Variants in SPATA16 observed in about 807,000 individuals in gnomAD.
The protein encoded by SPATA16 is spermatogenesis associated 16.
SPATA16 carries 36 observed loss-of-function variants against 63.3 expected under a neutral mutation model. The observed-to-expected ratio is 0.57, with a 90% CI of 0.44 to 0.75. The LOEUF is 0.75. Among genes scored for constraint, SPATA16 ranks in the 30% least tolerant of loss-of-function variants. The probability of loss-of-function intolerance (pLI) is 0.00; values close to 1 mark genes in which losing one functional copy is unlikely to be tolerated. For missense variants in SPATA16, 646 were observed against 679.3 expected (o/e 0.95, Z 0.54); for synonymous variants, 203 against 216.7 (o/e 0.94, Z 0.56).
At chr3:173,011,450 A>G (rs929086638) in intron 4 of SPATA16, among the ~76,000 whole-genome samples, 3 of 152,336 alleles carry the variant, frequency 2.0e-5, no homozygotes, top group Admixed American at 2.0e-4. Context: ...CCTGGAGTCA[A>G]CATCATACTT....
chr3:173,018,355 A>G (rs1045144877), intron 4 of SPATA16, among the ~76,000 whole-genome samples: 2 of 150,502 alleles, frequency 1.3e-5, no homozygotes, highest in Non-Finnish European at 3.0e-5. Context: ...GCTCACCACA[A>G]CCTCTACCTC....
Position 172,977,069 on chromosome 3 carries a change from A to AT in SPATA16, c.849-18dup. On this transcript the variant is annotated splice_polypyrimidine_tract_variant and intron_variant, in intron 4 of 10. Coordinates refer to ENST00000351008, the MANE Select transcript of SPATA16 (RefSeq NM_031955.6). ...ATGGCACTCCTAAGAACAAGGACAGATTAAAAAAAAAACAAAAACAAATGT... is the reference window on the plus strand; with the variant it reads ...ATGGCACTCCTAAGAACAAGGACAGATTTAAAAAAAAAACAAAAACAAATGT... 3 of 1,599,924 alleles carry AT rather than the reference A, an allele frequency of 1.9e-6. No individual in the cohort carries two copies. The South Asian group carries it at 3.3e-5, about 18-fold the overall frequency.
intron 2 of SPATA16, among the ~76,000 whole-genome samples, chr3:173,113,202 A>G (rs1287459906): frequency 6.6e-6 from 1 of 152,206 alleles, no homozygotes; most frequent in African/African-American, 2.4e-5. Context: ...GTAGTGGGGA[A>G]ATTGGTATAG....
At chr3:172,997,030 C>T (rs1468206389) in intron 4 of SPATA16, among the ~76,000 whole-genome samples, 3 of 152,104 alleles carry the variant, frequency 2.0e-5, no homozygotes, top group Non-Finnish European at 2.9e-5. Context: ...CATCTATTCA[C>T]CTACTGAAGA....
chr3:173,112,770 C>G (rs1004881640), intron 2 of SPATA16, among the ~76,000 whole-genome samples: 5 of 152,260 alleles, frequency 3.3e-5, no homozygotes, highest in Middle Eastern at 3.4e-3. Flanking sequence ...ATGATGAAAT[C>G]AGAGGAATTG....
chr3:172,902,399 T>G (rs749040693), intron 10 of SPATA16, among the ~76,000 whole-genome samples: 6 of 152,192 alleles, frequency 3.9e-5, no homozygotes, highest in Non-Finnish European at 5.9e-5. Flanking sequence ...AAATCTACTC[T>G]ATATTCTTCA....
At chr3:173,057,740 C>CAGAAACGGAGTAAGCGTTT (rs1215067727) in intron 2 of SPATA16, among the ~76,000 whole-genome samples, 3 of 152,182 alleles carry the variant, frequency 2.0e-5, no homozygotes, top group African/African-American at 7.2e-5. Flanking sequence ...ACATTAAGTA[C>CAGAAACGGAGTAAGCGTTT]AGAAACGGAG....
At chr3:173,063,932 G>C (rs986970941) in intron 2 of SPATA16, among the ~76,000 whole-genome samples, 1 of 152,200 alleles carries the variant, frequency 6.6e-6, no homozygotes, top group Non-Finnish European at 1.5e-5. Context: ...AGCCTCCCAA[G>C]CTGGAGTAGA....
At chr3:173,055,942 A>T (rs1185472915) in intron 2 of SPATA16, among the ~76,000 whole-genome samples, 1 of 152,228 alleles carries the variant, frequency 6.6e-6, no homozygotes, top group Non-Finnish European at 1.5e-5. Context: ...AATTAGATGT[A>T]TTTAATTTTA....
At chr3:173,104,817 C>CCT (rs1343009389) in intron 2 of SPATA16, among the ~76,000 whole-genome samples, 1 of 152,014 alleles carries the variant, frequency 6.6e-6, no homozygotes, top group African/African-American at 2.4e-5. Context: ...TGACTTATTC[C>CCT]CTCTCTCTAT....
chr3:172,975,357 A>G (rs1000638766), intron 5 of SPATA16, among the ~76,000 whole-genome samples: 8 of 152,180 alleles, frequency 5.3e-5, no homozygotes, highest in African/African-American at 1.9e-4. Context: ...GTACTCATAT[A>G]CATTTGTTTA....
intron 1 of SPATA16, among the ~76,000 whole-genome samples, chr3:173,125,581 G>A (rs1037800464): frequency 6.6e-6 from 1 of 152,172 alleles, no homozygotes; most frequent in African/African-American, 2.4e-5. Context: ...CCTTTGCACT[G>A]GTTGGGCTAG....
intron 4 of SPATA16, among the ~76,000 whole-genome samples, chr3:173,003,109 T>G (rs1734862511): frequency 6.6e-6 from 1 of 152,140 alleles, no homozygotes; most frequent in Non-Finnish European, 1.5e-5. Flanking sequence ...TGAAGTTATC[T>G]TAAGTCAGAA....
chr3:172,914,294 C>T (rs1222692223), intron 9 of SPATA16, among the ~76,000 whole-genome samples: 2 of 152,086 alleles, frequency 1.3e-5, no homozygotes, highest in African/African-American at 4.8e-5. Context: ...AAGTTTTAAA[C>T]ATTCTAACCT....
intron 3 of SPATA16, among the ~76,000 whole-genome samples, chr3:173,021,983 T>A (rs1177524239): frequency 6.6e-6 from 1 of 151,672 alleles, no homozygotes; most frequent in African/African-American, 2.4e-5. Flanking sequence ...CTGACAAAAG[T>A]AGATTAGATT....
intron 9 of SPATA16, among the ~76,000 whole-genome samples, chr3:172,914,164 A>G (rs925610898): frequency 6.6e-6 from 1 of 152,198 alleles, no homozygotes; most frequent in Admixed American, 6.5e-5. Context: ...CAATACTACA[A>G]TTATGCTGTT....
At chr3:172,981,335 C>G (rs1272652686) in intron 4 of SPATA16, among the ~76,000 whole-genome samples, 1 of 152,196 alleles carries the variant, frequency 6.6e-6, no homozygotes. Flanking sequence ...TAGAGCAGGT[C>G]ACTCCTGTGC....
chr3:173,125,025 A>G (rs1041103758), intron 1 of SPATA16, among the ~76,000 whole-genome samples: 2 of 152,340 alleles, frequency 1.3e-5, no homozygotes, highest in South Asian at 4.1e-4. Context: ...TATACATTAT[A>G]CATCTTAAAT....
intron 4 of SPATA16, among the ~76,000 whole-genome samples, chr3:173,001,206 G>T (rs1214365815): frequency 6.6e-6 from 1 of 151,298 alleles, no homozygotes; most frequent in East Asian, 1.9e-4. Context: ...TCTATAATTA[G>T]GTCTCAGTCT....
Sources: allele counts gnomAD v4.1 joint callset (sites outside exome capture counted in the v4.1 genomes callset), GRCh38; gene constraint gnomAD v4.1.1; transcripts MANE v1.5; gene names NCBI Gene and HGNC (gene_info 2026-07-23, HGNC 2026-07-21).